Variants in C8orf89 observed in about 807,000 individuals in gnomAD.
The protein encoded by C8orf89 is chromosome 8 open reading frame 89.
C8orf89 carries 14 observed loss-of-function variants against 15.8 expected under a neutral mutation model. The observed-to-expected ratio is 0.89, with a 90% confidence interval of 0.59 to 1.39. The LOEUF is 1.39. Among genes scored for constraint, C8orf89 ranks in the 40% most tolerant of loss-of-function variants. The pLI is 0.00. For missense variants in C8orf89, 181 were observed against 184.5 expected (o/e 0.98, Z 0.11); for synonymous variants, 55 against 62.2 (o/e 0.88, Z 0.54).
chr8:73,259,403 G>T lies in C8orf89; in HGVS notation c.56C>A (p.Ser19Tyr), dbSNP rs1040244269. The T allele has an allele frequency of 6.5e-7, 1 of 1,532,396 alleles. No homozygotes were observed. Among genetic ancestry groups the T allele is most frequent in the Middle Eastern group, 1.7e-4 (1 of 5,980 alleles). The allele number at this position is 1,532,396 out of a possible 1,614,324, so 94.9% of individuals were successfully genotyped here. A position where few individuals can be genotyped will look rare whatever the true frequency, so the allele number is the denominator to read the frequency against. Residue 19 changes from serine to tyrosine, a missense_variant, in exon 1 of 4, where the codon TCC becomes TAC. Coordinates refer to ENST00000624510, the MANE Select transcript of C8orf89 (RefSeq NM_001243237.3). ...KCETSKFTRS[S>Y]FGSCLIFESS... ...CTCAAAAATCAAACAACTGCCAAAGGAACTTCTGGTGAATTTAGAAGTCTC... is the reference window on the plus strand; with the variant it reads ...CTCAAAAATCAAACAACTGCCAAAGTAACTTCTGGTGAATTTAGAAGTCTC...
chr8:73,266,612 G>T, the C8orf89 span, among the ~76,000 whole-genome samples: 1 of 152,130 alleles, frequency 6.6e-6, no homozygotes, highest in Admixed American at 6.5e-5. Flanking sequence ...GGCAACCAAG[G>T]TTTCCAGTGT....
chr8:73,259,529 A>C lies in C8orf89; in HGVS notation c.-71T>G. On this transcript the variant is annotated 5_prime_UTR_variant, in exon 1 of 4. Transcript: ENST00000624510. Reference sequence around the variant, plus strand: ...GAGACAGGACACAAAATACAAAAAAAACAAGGCACGTCCGAGACAAGGCAA... The same window carrying C: ...GAGACAGGACACAAAATACAAAAAACACAAGGCACGTCCGAGACAAGGCAA... 8.5e-7 allele frequency: 1 copy of C among 1,179,394 alleles called. No homozygotes were observed. The highest frequency in any genetic ancestry group is 1.1e-6 in the Non-Finnish European group (1 of 896,348). The allele number at this position is 1,179,394 out of a possible 1,614,324, so 73.1% of individuals were successfully genotyped here. A position where few individuals can be genotyped will look rare whatever the true frequency, so the allele number is the denominator to read the frequency against.
At chr8:73,270,519 C>T in the C8orf89 span, among the ~76,000 whole-genome samples, 1 of 152,126 alleles carries the variant, frequency 6.6e-6, no homozygotes, top group Non-Finnish European at 1.5e-5. Context: ...AAAACAAAAA[C>T]TATTACTTTT....
the C8orf89 span, among the ~76,000 whole-genome samples, chr8:73,281,522 T>G: frequency 3.9e-5 from 6 of 152,220 alleles, no homozygotes; most frequent in Non-Finnish European, 8.8e-5. Flanking sequence ...ACATGGTCTA[T>G]GGGAGGTAGT....
At chr8:73,272,068 T>C in the C8orf89 span, among the ~76,000 whole-genome samples, 1 of 152,212 alleles carries the variant, frequency 6.6e-6, no homozygotes, top group Non-Finnish European at 1.5e-5. Context: ...AAGAATCGAC[T>C]AATGGCTGGG....
intron 2 of C8orf89, among the ~76,000 whole-genome samples, chr8:73,252,327 T>C (rs901782999): frequency 1.3e-5 from 2 of 152,214 alleles, no homozygotes. Context: ...TTGGTAAGAC[T>C]GTTTAAAGAA....
At chr8:73,280,117 A>G in the C8orf89 span, among the ~76,000 whole-genome samples, 17 of 152,220 alleles carry the variant, frequency 1.1e-4, no homozygotes, top group Non-Finnish European at 1.5e-5. Flanking sequence ...GTAACTGAAC[A>G]GTACTTCTTT....
upstream of C8orf89, among the ~76,000 whole-genome samples, chr8:73,263,399 C>T (rs981781672): frequency 6.6e-6 from 1 of 152,012 alleles, no homozygotes; most frequent in Non-Finnish European, 1.5e-5. Context: ...CCTGTAATCC[C>T]AGCTACTCAG....
At position 73,241,485 on chromosome 8, in the gene C8orf89, CT is replaced by C. The variant is rs951061763; in HGVS notation, c.457del (p.Ser153AlafsTer16). 157 of 1,524,754 alleles carry C rather than the reference CT, an allele frequency of 1.0e-4. No homozygotes were observed. The highest frequency in any genetic ancestry group is 1.7e-4 in the Middle Eastern group (1 of 5,974). 94.5% of individuals were successfully genotyped at this position (1,524,754 alleles called of 1,614,324 possible). A position where few individuals can be genotyped will look rare whatever the true frequency, so the allele number is the denominator to read the frequency against. On this transcript the variant is annotated frameshift_variant, in exon 4 of 4. Transcript: ENST00000624510. LOFTEE classifies it high-confidence loss of function. Reference protein sequence around the residue: ...RQETTTKSKKSKKRDLRDR With the variant: ...RQETTTKSKKXKKRDLRDR ...GCGGTCTCGGAGGTCTCGTTTCTTG[CT>C]TTTTTTTGATTTTGTGGTTGTTTCC...
Position 73,251,466 on chromosome 8 carries a change from A to G in C8orf89, c.282-1143T>C, listed in dbSNP as rs77580872. 9.4e-3 allele frequency among the ~76,000 whole-genome samples: 1,433 copies of G among 152,336 alleles called. 15 individuals are homozygous for G. Among genetic ancestry groups the G allele is most frequent in the African/African-American group, 0.032 (1,345 of 41,568 alleles). On this transcript the variant is annotated intron_variant, in intron 2 of 3. Transcript: ENST00000624510. ...TGAGTTAAAGGCAGGGAAAAGAACT[A>G]ACACTTATGTTTGCCAAGCACTTCA...
chr8:73,242,426 T>C (rs959179283), intron 3 of C8orf89, among the ~76,000 whole-genome samples: 3 of 152,062 alleles, frequency 2.0e-5, no homozygotes, highest in African/African-American at 2.4e-5. Context: ...CTGGGCAACA[T>C]AGCAAAACCC....
chr8:73,249,798 T>C (rs899199798), intron 3 of C8orf89, among the ~76,000 whole-genome samples: 1 of 152,076 alleles, frequency 6.6e-6, no homozygotes, highest in Non-Finnish European at 1.5e-5. Flanking sequence ...ATGTCATAAG[T>C]ACACAGGATT....
At chr8:73,277,327 T>C in the C8orf89 span, 279,720 of 685,950 alleles carry the variant, frequency 0.41, 58,914 homozygotes, top group South Asian at 0.55. Context: ...TGAATGCCCC[T>C]GGTTATCCCT....
intron 1 of C8orf89, among the ~76,000 whole-genome samples, chr8:73,257,961 CTT>C (rs1813436343): frequency 6.6e-6 from 1 of 152,090 alleles, no homozygotes; most frequent in African/African-American, 2.4e-5. Context: ...CATATAGACT[CTT>C]TTTTCATCAA....
chr8:73,283,428 C>A, the C8orf89 span, among the ~76,000 whole-genome samples: 2 of 152,142 alleles, frequency 1.3e-5, no homozygotes, highest in Non-Finnish European at 2.9e-5. Flanking sequence ...TAAATGTGCC[C>A]CTCAAGAGCT....
the C8orf89 span, among the ~76,000 whole-genome samples, chr8:73,281,937 G>C: frequency 6.6e-6 from 1 of 152,230 alleles, no homozygotes; most frequent in African/African-American, 2.4e-5. Flanking sequence ...CAAGAGTGAA[G>C]TGCTGACGAA....
intron 2 of C8orf89, among the ~76,000 whole-genome samples, chr8:73,251,955 T>A (rs1337785035): frequency 6.6e-6 from 1 of 152,200 alleles, no homozygotes; most frequent in Admixed American, 6.5e-5. Context: ...TTGGTTACGA[T>A]GTAACTGACT....
At chr8:73,263,305 G>A (rs1813562133), upstream of C8orf89, among the ~76,000 whole-genome samples, 1 of 152,116 alleles carries the variant, frequency 6.6e-6, no homozygotes, top group South Asian at 2.1e-4. Flanking sequence ...TTGAGGCCAG[G>A]AGTTCAAGAC....
chr8:73,253,726 G>C (rs1416267149), intron 2 of C8orf89, among the ~76,000 whole-genome samples: 1 of 149,864 alleles, frequency 6.7e-6, no homozygotes, highest in Non-Finnish European at 1.5e-5. Context: ...TTCATGATTT[G>C]GCTCTCTGTC....
Sources: allele counts gnomAD v4.1 joint callset (sites outside exome capture counted in the v4.1 genomes callset), GRCh38; gene constraint gnomAD v4.1.1; transcripts MANE v1.5; gene names NCBI Gene and HGNC (gene_info 2026-07-23, HGNC 2026-07-21).